The following ZNF804B variants were observed in gnomAD, a reference collection of about 807,000 sequenced individuals.
ZNF804B encodes zinc finger protein 804B.
Under a neutral mutation model 101.4 loss-of-function variants are expected in ZNF804B, and 80 were observed. The observed-to-expected ratio is 0.79, with a 90% CI of 0.66 to 0.95. ZNF804B has a LOEUF of 0.95. Ranked by LOEUF, ZNF804B falls within the 40% of genes least tolerant of loss-of-function variation. The probability of loss-of-function intolerance (pLI) is 0.00; values close to 1 mark genes in which losing one functional copy is unlikely to be tolerated. For synonymous variants in ZNF804B, 622 were observed against 558.8 expected (o/e 1.11, Z -1.59); for missense variants, 1,673 against 1,561.9 (o/e 1.07, Z -1.20).
At chr7:89,187,010 A>C (rs932855378) in intron 1 of ZNF804B, among the ~76,000 whole-genome samples, 2 of 152,164 alleles carry the variant, frequency 1.3e-5, no homozygotes, top group Non-Finnish European at 2.9e-5. Context: ...TATCTGATAT[A>C]TTCTGTCAAC....
chr7:88,976,500 T>C (rs1301461728), intron 1 of ZNF804B, among the ~76,000 whole-genome samples: 2 of 151,558 alleles, frequency 1.3e-5, no homozygotes, highest in East Asian at 1.9e-4. Context: ...TTTGTACTTA[T>C]TGTCAATGAG....
At chr7:89,006,266 T>A (rs568632715) in intron 1 of ZNF804B, among the ~76,000 whole-genome samples, 1 of 152,226 alleles carries the variant, frequency 6.6e-6, no homozygotes, top group South Asian at 2.1e-4. Context: ...ATTAAAAAAA[T>A]CTTTTAGACC....
intron 2 of ZNF804B, among the ~76,000 whole-genome samples, chr7:89,233,644 CT>C (rs1224612052): frequency 3.2e-4 from 46 of 145,640 alleles, no homozygotes; most frequent in East Asian, 8.0e-4. Flanking sequence ...TTTTTCTTCT[CT>C]TTTTTTTTTT....
At chr7:88,816,848 A>G (rs1583955103) in intron 1 of ZNF804B, among the ~76,000 whole-genome samples, 1 of 147,100 alleles carries the variant, frequency 6.8e-6, no homozygotes, top group East Asian at 2.0e-4. Context: ...ATCTAGAACT[A>G]GAAATACCAT....
Position 89,103,942 on chromosome 7 carries a change from A to G in ZNF804B, c.109-114213A>G, listed in dbSNP as rs182075742. On this transcript the variant is annotated intron_variant, in intron 1 of 3. Coordinates refer to ENST00000333190, the MANE Select transcript of ZNF804B (RefSeq NM_181646.5). ...GTTGAGGGTTTTTAATCATGAAGGC[A>G]TGTTTAATCTTATTAAATGCTTTTT... 2.2e-3 allele frequency among the ~76,000 whole-genome samples: 338 copies of G among 152,064 alleles called. 3 individuals are homozygous for G. Among genetic ancestry groups the G allele is most frequent in the African/African-American group, 7.8e-3 (323 of 41,542 alleles).
intron 1 of ZNF804B, among the ~76,000 whole-genome samples, chr7:89,203,348 G>A (rs1349099343): frequency 2.6e-5 from 4 of 152,086 alleles, no homozygotes; most frequent in African/African-American, 9.7e-5. Flanking sequence ...TTCTTTTTGA[G>A]GTTTTCTGAC....
intron 1 of ZNF804B, among the ~76,000 whole-genome samples, chr7:89,172,239 T>C (rs1377714377): frequency 6.6e-6 from 1 of 152,156 alleles, no homozygotes; most frequent in Non-Finnish European, 1.5e-5. Flanking sequence ...TTGTAAAATA[T>C]GACTTTTTGA....
rs550882022 is a variant in ZNF804B at position 89,098,895 on chromosome 7, T to C, written c.109-119260T>C. Among the ~76,000 whole-genome samples, 388 of 151,998 alleles carry C rather than the reference T, an allele frequency of 2.6e-3. 1 individual carries two copies. Among genetic ancestry groups the C allele is most frequent in the African/African-American group, 8.1e-3 (338 of 41,518 alleles). On this transcript the variant is annotated intron_variant, in intron 1 of 3. Transcript: ENST00000333190. The stretch of plus-strand genomic sequence containing the variant: ...AACTTCACTAAATTTTGTATTTTTA[T>C]ACCTGGTCATAAGATGAAAATTTCT...
intron 1 of ZNF804B, among the ~76,000 whole-genome samples, chr7:89,207,035 T>G (rs186336646): frequency 2.0e-5 from 3 of 152,354 alleles, no homozygotes; most frequent in Admixed American, 6.5e-5. Flanking sequence ...GCTGTCAGCA[T>G]TTTGGTCAAA....
chr7:88,804,603 TA>T (rs1445084125), intron 1 of ZNF804B, among the ~76,000 whole-genome samples: 6 of 147,496 alleles, frequency 4.1e-5, no homozygotes, highest in Non-Finnish European at 7.5e-5. Context: ...AATTTGAATT[TA>T]TTTTTTTATG....
intron 1 of ZNF804B, among the ~76,000 whole-genome samples, chr7:89,160,642 A>C (rs1791045065): frequency 1.3e-5 from 2 of 152,186 alleles, no homozygotes; most frequent in Non-Finnish European, 1.5e-5. Flanking sequence ...TAAGACACTG[A>C]TAAGGAAAAA....
At chr7:88,966,124 A>G (rs1028223859) in intron 1 of ZNF804B, among the ~76,000 whole-genome samples, 1 of 151,548 alleles carries the variant, frequency 6.6e-6, no homozygotes, top group African/African-American at 2.4e-5. Flanking sequence ...AGTAGCCCAC[A>G]TCTTTCCAGC....
intron 1 of ZNF804B, among the ~76,000 whole-genome samples, chr7:88,878,016 G>A (rs1340179622): frequency 6.6e-6 from 1 of 152,068 alleles, no homozygotes; most frequent in Non-Finnish European, 1.5e-5. Flanking sequence ...AAAAGATGCG[G>A]TTAAATCATC....
At chr7:89,262,717 T>A (rs778105458) in intron 2 of ZNF804B, among the ~76,000 whole-genome samples, 1 of 152,204 alleles carries the variant, frequency 6.6e-6, no homozygotes, top group Non-Finnish European at 1.5e-5. Flanking sequence ...CCTTTCTTTT[T>A]TAGTCTATAT....
intron 2 of ZNF804B, among the ~76,000 whole-genome samples, chr7:89,247,898 G>C (rs1006602883): frequency 6.6e-6 from 1 of 152,076 alleles, no homozygotes; most frequent in South Asian, 2.1e-4. Flanking sequence ...GCATATTAAA[G>C]AAAAATTAAT....
chr7:89,263,238 G>A lies in ZNF804B; in HGVS notation c.249+44943G>A, dbSNP rs73708621. Among the ~76,000 whole-genome samples, 669 of 152,254 alleles carry A rather than the reference G, an allele frequency of 4.4e-3. 7 individuals carry two copies. The highest frequency in any genetic ancestry group is 0.015 in the African/African-American group (628 of 41,544). ...AAGGTTAACTTACCTGACTACTCCA[G>A]CTGTGAGACCATGCTAATAATTCTG... On this transcript the variant is annotated intron_variant, in intron 2 of 3. Coordinates refer to ENST00000333190, the MANE Select transcript of ZNF804B (RefSeq NM_181646.5).
At chr7:88,785,835 A>G (rs2115671123) in intron 1 of ZNF804B, among the ~76,000 whole-genome samples, 1 of 152,216 alleles carries the variant, frequency 6.6e-6, no homozygotes, top group Non-Finnish European at 1.5e-5. Flanking sequence ...TTGACTTTTA[A>G]TTGGCTTACT....
At chr7:88,988,206 C>A (rs1239964733) in intron 1 of ZNF804B, among the ~76,000 whole-genome samples, 1 of 151,628 alleles carries the variant, frequency 6.6e-6, no homozygotes, top group Non-Finnish European at 1.5e-5. Flanking sequence ...CATTTTACCA[C>A]CAAGAAAAAT....
At chr7:89,278,827 G>T (rs971151189) in intron 2 of ZNF804B, among the ~76,000 whole-genome samples, 1 of 151,604 alleles carries the variant, frequency 6.6e-6, no homozygotes, top group Non-Finnish European at 1.5e-5. Context: ...TTGACTTGGC[G>T]ATGCAGGCTC....
Sources: allele counts gnomAD v4.1 joint callset (sites outside exome capture counted in the v4.1 genomes callset), GRCh38; gene constraint gnomAD v4.1.1; transcripts MANE v1.5; gene names NCBI Gene and HGNC (gene_info 2026-07-23, HGNC 2026-07-21).